ANKRD6: variants seen among roughly 807,000 people sequenced by gnomAD.
The protein encoded by ANKRD6 is ankyrin repeat domain-containing protein 6.
In ANKRD6, 56 loss-of-function variants were observed where a neutral mutation model predicts 82.3. That is an observed-to-expected ratio of 0.68 (90% CI 0.55 to 0.85). ANKRD6 has a LOEUF of 0.85. Among genes scored for constraint, ANKRD6 ranks in the 40% least tolerant of loss-of-function variants. ANKRD6 has a pLI of 0.00. For synonymous variants in ANKRD6, 347 were observed against 352.1 expected (o/e 0.99, Z 0.16); for missense variants, 852 against 907.6 (o/e 0.94, Z 0.79).
At chr6:89,576,406 T>A (rs1432664915) in intron 2 of ANKRD6, among the ~76,000 whole-genome samples, 1 of 152,190 alleles carries the variant, frequency 6.6e-6, no homozygotes, top group Non-Finnish European at 1.5e-5. Flanking sequence ...ACAAACACAT[T>A]TTCAGCTGGA....
At chr6:89,459,115 G>A (rs1773825566) in intron 1 of ANKRD6, among the ~76,000 whole-genome samples, 1 of 151,986 alleles carries the variant, frequency 6.6e-6, no homozygotes, top group Non-Finnish European at 1.5e-5. Context: ...TTTCACTCTT[G>A]TTGCCCAGGC....
intron 2 of ANKRD6, among the ~76,000 whole-genome samples, chr6:89,591,916 T>G (rs1437465597): frequency 6.6e-6 from 1 of 152,174 alleles, no homozygotes; most frequent in Non-Finnish European, 1.5e-5. Context: ...CCTGTACCAT[T>G]GTAGCTCAGC....
intron 1 of ANKRD6, among the ~76,000 whole-genome samples, chr6:89,517,808 G>C (rs750524430): frequency 1.4e-4 from 21 of 152,206 alleles, no homozygotes; most frequent in Non-Finnish European, 2.8e-4. Flanking sequence ...TTTCCTAAGG[G>C]GGGGACTATG....
chr6:89,595,854 G>C, intron 2 of ANKRD6, 62 bp from the exon 3 acceptor site: 6 of 1,378,718 alleles, frequency 4.4e-6, no homozygotes, highest in Non-Finnish European at 6.1e-6. Flanking sequence ...TAGGCCCTCT[G>C]TCTCCCAAGG....
chr6:89,434,672 G>A (rs2127916705), intron 1 of ANKRD6, among the ~76,000 whole-genome samples: 1 of 152,182 alleles, frequency 6.6e-6, no homozygotes, highest in African/African-American at 2.4e-5. Context: ...AACTCCTCCT[G>A]TCTCAGCCTC....
At chr6:89,602,786 A>G (rs759349870) in intron 3 of ANKRD6, 1 of 500,256 alleles carries the variant, frequency 2.0e-6, no homozygotes, top group Non-Finnish European at 3.6e-6. Flanking sequence ...GCCGAGGGCT[A>G]TTCTTGCTGT....
rs185539173 is a variant in ANKRD6, at chr6:89,506,443, T to C, written c.-143-60391T>C. Among the ~76,000 whole-genome samples, 351 of 152,156 alleles carry C rather than the reference T, an allele frequency of 2.3e-3. 1 individual carries two copies. The highest frequency in any genetic ancestry group is 8.2e-3 in the African/African-American group (341 of 41,508). ...TATTCTTCTGCTTCAGCCTCTCGAG[T>C]AGCTGGGATTACAGGCGTGTGTTAC... On this transcript the variant is annotated intron_variant, in intron 1 of 15. Transcript: ENST00000339746.
intron 1 of ANKRD6, among the ~76,000 whole-genome samples, chr6:89,498,845 A>G (rs1197769283): frequency 4.6e-5 from 7 of 152,202 alleles, no homozygotes; most frequent in Non-Finnish European, 1.5e-5. Flanking sequence ...TTTCATAATT[A>G]TTGAGTATGA....
chr6:89,445,479 C>T (rs1771959705), intron 1 of ANKRD6, among the ~76,000 whole-genome samples: 1 of 151,786 alleles, frequency 6.6e-6, no homozygotes, highest in Non-Finnish European at 1.5e-5. Context: ...ATGGAGTCTC[C>T]CTCTGTCGCC....
intron 1 of ANKRD6, among the ~76,000 whole-genome samples, chr6:89,452,321 A>AT (rs1676139997): frequency 6.6e-6 from 1 of 152,260 alleles, no homozygotes; most frequent in South Asian, 2.1e-4. Context: ...TTTTCCCCAA[A>AT]TTTAAGCAAG....
intron 4 of ANKRD6, among the ~76,000 whole-genome samples, chr6:89,603,421 G>C (rs1383868337): frequency 6.6e-6 from 1 of 150,790 alleles, no homozygotes; most frequent in Non-Finnish European, 1.5e-5. Flanking sequence ...GAACTCCTGG[G>C]CTCAAGTGCT....
intron 1 of ANKRD6, among the ~76,000 whole-genome samples, chr6:89,444,400 A>G (rs56233300): frequency 0.058 from 8,758 of 152,310 alleles, 296 homozygotes; most frequent in South Asian, 0.14. Flanking sequence ...TCACATCTCC[A>G]GTACTCAATA....
At position 89,632,391 on chromosome 6, in the gene ANKRD6, C is replaced by T. The variant is rs1193087897; in HGVS notation, c.*1387C>T. On this transcript the variant is annotated 3_prime_UTR_variant, in exon 16 of 16. Coordinates refer to ENST00000339746, the MANE Select transcript of ANKRD6 (RefSeq NM_001242809.2). ...GAAAAATAATTCAGTAGATATATGTCACTGTTACCTGAATATGGAATGAAT... is the reference window on the plus strand; with the variant it reads ...GAAAAATAATTCAGTAGATATATGTTACTGTTACCTGAATATGGAATGAAT... 2 of 151,732 alleles carry T rather than the reference C, an allele frequency of 1.3e-5. No individual in the cohort carries two copies. The highest frequency in any genetic ancestry group is 2.9e-5 in the Non-Finnish European group (2 of 67,996). The allele number at this position is 151,732 out of a possible 1,614,324, so 9.4% of individuals were successfully genotyped here.
intron 1 of ANKRD6, among the ~76,000 whole-genome samples, chr6:89,493,150 C>T (rs1298356333): frequency 6.6e-6 from 1 of 152,166 alleles, no homozygotes; most frequent in Admixed American, 6.5e-5. Context: ...TTACCACAAA[C>T]TTGGTGGGTG....
chr6:89,512,685 C>G (rs1488568439), intron 1 of ANKRD6, among the ~76,000 whole-genome samples: 1 of 152,128 alleles, frequency 6.6e-6, no homozygotes, highest in Non-Finnish European at 1.5e-5. Context: ...ATTGGATTCC[C>G]TGGAAGTGTC....
At chr6:89,464,000 G>T (rs962138734) in intron 1 of ANKRD6, among the ~76,000 whole-genome samples, 3 of 152,146 alleles carry the variant, frequency 2.0e-5, no homozygotes, top group African/African-American at 7.2e-5. Context: ...GTATATCTGC[G>T]TACTGGACAT....
intron 1 of ANKRD6, among the ~76,000 whole-genome samples, chr6:89,496,762 G>C (rs1038563166): frequency 6.6e-6 from 1 of 152,144 alleles, no homozygotes; most frequent in African/African-American, 2.4e-5. Flanking sequence ...GATCTCAGGT[G>C]ATCCGGGAGA....
Position 89,621,946 on chromosome 6 carries a change from A to G in ANKRD6, c.817A>G (p.Ser273Gly). Residue 273 changes from serine (S) to glycine (G), a missense_variant, in exon 10 of 16, where the codon AGC becomes GGC. By Grantham distance (56) the Ser-to-Gly change is moderately conservative (BLOSUM62 0). Transcript: ENST00000339746. ...PQVLRFSRGRSLRKKRERLKE... is the reference protein window; with the variant it reads ...PQVLRFSRGRGLRKKRERLKE... ...GGTCTTGCGCTTCAGTCGTGGGCGA[A>G]GCCTGAGGAAAAAGAGAGAGAGGCT... 6.2e-7 allele frequency: 1 copy of G among 1,613,966 alleles called. No individual in the cohort carries two copies. Among genetic ancestry groups the G allele is most frequent in the East Asian group, 2.2e-5 (1 of 44,880 alleles).
At chr6:89,604,121 G>T (rs1304178578) in intron 4 of ANKRD6, among the ~76,000 whole-genome samples, 1 of 152,352 alleles carries the variant, frequency 6.6e-6, no homozygotes, top group African/African-American at 2.4e-5. Context: ...GAGGTCAGGA[G>T]TTCGAGACCA....
Sources: allele counts gnomAD v4.1 joint callset (sites outside exome capture counted in the v4.1 genomes callset), GRCh38; gene constraint gnomAD v4.1.1; transcripts MANE v1.5; gene names NCBI Gene and HGNC (gene_info 2026-07-23, HGNC 2026-07-21).